Variants in ADGRL3 observed in about 807,000 individuals in gnomAD.
The protein encoded by ADGRL3 is adhesion G protein-coupled receptor L3, also known as calcium-independent alpha-latrotoxin receptor 3.
Under a neutral mutation model 153.5 loss-of-function variants are expected in ADGRL3, and 62 were observed. That is an observed-to-expected ratio of 0.40 (90% CI 0.33 to 0.50). The LOEUF (loss-of-function observed/expected upper bound fraction) is 0.50, where lower values mean the gene tolerates loss of function less well. Among genes scored for constraint, ADGRL3 ranks in the 20% least tolerant of loss-of-function variants. The pLI is 0.47. For synonymous variants in ADGRL3, 710 were observed against 672.5 expected (o/e 1.06, Z -0.86); for missense variants, 1,641 against 1,859.4 (o/e 0.88, Z 2.16).
chr4:61,249,429 CCCT>C (rs753287425), intron 1 of ADGRL3, among the ~76,000 whole-genome samples: 6 of 151,634 alleles, frequency 4.0e-5, no homozygotes, highest in Non-Finnish European at 5.9e-5. Context: ...TCCTGCCTCA[CCCT>C]CCTCCTCCTC....
chr4:61,469,594 T>C (rs975128449), intron 2 of ADGRL3, among the ~76,000 whole-genome samples: 2 of 152,060 alleles, frequency 1.3e-5, no homozygotes, highest in African/African-American at 4.8e-5. Context: ...CATTAAAATT[T>C]GCTTTTACAC....
At chr4:61,754,606 GTATA>G (rs201445106) in intron 8 of ADGRL3, among the ~76,000 whole-genome samples, 1 of 146,926 alleles carries the variant, frequency 6.8e-6, no homozygotes, top group African/African-American at 2.6e-5. Context: ...AGATCTGAGT[GTATA>G]TATATATATT....
intron 2 of ADGRL3, among the ~76,000 whole-genome samples, chr4:61,430,043 C>CA (rs2097336649): frequency 6.6e-6 from 1 of 152,124 alleles, no homozygotes; most frequent in African/African-American, 2.4e-5. Context: ...GCTTTATCTT[C>CA]TAAAACATAG....
At chr4:61,586,597 T>C (rs193140770) in intron 4 of ADGRL3, among the ~76,000 whole-genome samples, 5 of 152,102 alleles carry the variant, frequency 3.3e-5, no homozygotes, top group East Asian at 3.9e-4. Flanking sequence ...AAAATTCTAA[T>C]TGGGAGGTCT....
chr4:61,457,900 A>AGATG (rs1293844220), intron 2 of ADGRL3, among the ~76,000 whole-genome samples: 3 of 147,558 alleles, frequency 2.0e-5, no homozygotes, highest in Admixed American at 6.8e-5. Context: ...ATAGATAGAT[A>AGATG]GATGCAGCCG....
At chr4:61,643,609 T>C (rs1354896808) in intron 5 of ADGRL3, among the ~76,000 whole-genome samples, 2 of 148,358 alleles carry the variant, frequency 1.3e-5, no homozygotes, top group Non-Finnish European at 3.0e-5. Flanking sequence ...TTGCGTATAT[T>C]GAACCAGCCT....
At chr4:61,626,146 T>C (rs148839534) in intron 5 of ADGRL3, among the ~76,000 whole-genome samples, 1,584 of 152,092 alleles carry the variant, frequency 0.01, 33 homozygotes, top group African/African-American at 0.035. Flanking sequence ...AAAAAAAATT[T>C]ACTTTTTCAT....
At chr4:61,362,980 G>T (rs151247140) in intron 1 of ADGRL3, among the ~76,000 whole-genome samples, 64 of 152,186 alleles carry the variant, frequency 4.2e-4, no homozygotes, top group African/African-American at 1.5e-3. Context: ...CCTATATTTT[G>T]ATTCAAAGCA....
intron 1 of ADGRL3, among the ~76,000 whole-genome samples, chr4:61,322,752 C>T (rs2095386594): frequency 6.6e-6 from 1 of 152,170 alleles, no homozygotes; most frequent in African/African-American, 2.4e-5. Flanking sequence ...CAGGGTACAG[C>T]CTCCCTCCCA....
chr4:61,949,713 T>G (rs1007404999), intron 17 of ADGRL3, among the ~76,000 whole-genome samples: 2 of 152,034 alleles, frequency 1.3e-5, no homozygotes, highest in Admixed American at 1.3e-4. Context: ...AAAAAAATCT[T>G]AAAATATAAC....
intron 1 of ADGRL3, among the ~76,000 whole-genome samples, chr4:61,221,222 A>G (rs1745336324): frequency 1.3e-5 from 2 of 152,172 alleles, no homozygotes; most frequent in Admixed American, 6.5e-5. Flanking sequence ...TAGCAAATGT[A>G]TTGGATATTA....
At chr4:61,574,580 C>G (rs2098857644) in intron 4 of ADGRL3, among the ~76,000 whole-genome samples, 1 of 151,768 alleles carries the variant, frequency 6.6e-6, no homozygotes, top group Non-Finnish European at 1.5e-5. Context: ...TACTAGAGCA[C>G]AGCCAAGTTG....
chr4:61,654,327 T>C (rs2094374065), intron 5 of ADGRL3, among the ~76,000 whole-genome samples: 2 of 152,088 alleles, frequency 1.3e-5, no homozygotes, highest in African/African-American at 4.8e-5. Context: ...CAAAACTCTA[T>C]ATCAAATTTG....
Position 62,074,996 on chromosome 4 carries a change from A to G in ADGRL3, c.*4088A>G, listed in dbSNP as rs1326682334. 1 of 152,178 alleles carries G rather than the reference A, an allele frequency of 6.6e-6. No homozygotes were observed. Among genetic ancestry groups the G allele is most frequent in the Non-Finnish European group, 1.5e-5 (1 of 68,022 alleles). 9.4% of individuals were successfully genotyped at this position (152,178 alleles called of 1,614,324 possible). A position where few individuals can be genotyped will look rare whatever the true frequency, so the allele number is the denominator to read the frequency against. ...GTTATTGACTAGCTTGCTTTTTTTA[A>G]GGAATGACATTAAAAATTTCGACTG... On this transcript the variant is annotated 3_prime_UTR_variant, in exon 27 of 27. Coordinates refer to ENST00000683033, the MANE Select transcript of ADGRL3 (RefSeq NM_001387552.1).
chr4:61,290,085 T>C (rs951609857), intron 1 of ADGRL3, among the ~76,000 whole-genome samples: 3 of 152,100 alleles, frequency 2.0e-5, no homozygotes, highest in Admixed American at 6.6e-5. Flanking sequence ...AAGGAAGTAT[T>C]GTGGGTCTTT....
intron 8 of ADGRL3, among the ~76,000 whole-genome samples, chr4:61,756,752 G>T (rs1029239310): frequency 1.4e-4 from 21 of 152,146 alleles, no homozygotes; most frequent in Non-Finnish European, 1.6e-4. Context: ...TATTGGCTGT[G>T]GGTTTGTCAT....
intron 1 of ADGRL3, among the ~76,000 whole-genome samples, chr4:61,325,683 G>C (rs898702367): frequency 6.6e-6 from 1 of 152,026 alleles, no homozygotes; most frequent in African/African-American, 2.4e-5. Context: ...AACATGATAA[G>C]TCTTTGTTAT....
intron 8 of ADGRL3, among the ~76,000 whole-genome samples, chr4:61,757,006 G>A (rs1268815843): frequency 6.6e-6 from 1 of 152,166 alleles, no homozygotes; most frequent in African/African-American, 2.4e-5. Flanking sequence ...TTGGTGTGCT[G>A]CTGGATTCGG....
chr4:61,411,237 CT>C (rs10708586), intron 2 of ADGRL3, among the ~76,000 whole-genome samples: 4,688 of 151,894 alleles, frequency 0.031, 219 homozygotes, highest in East Asian at 0.21. Flanking sequence ...TCTTCAGTTT[CT>C]TTTTTTTCTG....
Sources: gnomAD v4.1 joint callset for allele counts (sites outside exome capture counted in the v4.1 genomes callset) on GRCh38, gnomAD v4.1.1 for gene constraint, MANE v1.5 for transcripts, NCBI Gene and HGNC (gene_info 2026-07-23, HGNC 2026-07-21) for gene names.